Variants in WDR73 observed in about 807,000 individuals in gnomAD.
The protein encoded by WDR73 is WD repeat domain 73.
Under a neutral mutation model 38.2 loss-of-function variants are expected in WDR73, and 30 were observed. The observed-to-expected ratio is 0.79, with a 90% CI of 0.59 to 1.06. The LOEUF is 1.06. Among genes scored for constraint, WDR73 ranks in the 50% least tolerant of loss-of-function variants. The pLI, the probability that WDR73 is intolerant of heterozygous loss-of-function variation, is 0.00. For missense variants in WDR73, 487 were observed against 467.0 expected, an observed-to-expected ratio of 1.04 and a Z score of -0.40; for synonymous variants, 197 against 176.0, an observed-to-expected ratio of 1.12 and a Z score of -0.94.
chr15:84,639,599 AGT>A lies in WDR73; in HGVS notation c.*3869_*3870del, dbSNP rs1466149245. On this transcript the variant is annotated 3_prime_UTR_variant, in exon 8 of 8. Coordinates refer to ENST00000434634, the MANE Select transcript of WDR73 (RefSeq NM_032856.5). ...ATCTTCAAATTCTGGAGAAAAAGAG[AGT>A]GTGAAAGACTGCTCAGTGGCTGGGG... 2 of 152,106 alleles carry A rather than the reference AGT, an allele frequency of 1.3e-5. No individual in the cohort carries two copies. The highest frequency in any genetic ancestry group is 2.9e-5 in the Non-Finnish European group (2 of 68,034). 9.4% of individuals were successfully genotyped at this position (152,106 alleles called of 1,614,324 possible).
rs747969434 is a variant in WDR73 at position 84,643,286 on chromosome 15, C to T, written c.*184G>A. The T allele has an allele frequency of 6.1e-5, 41 of 668,198 alleles. No homozygotes were observed. The highest frequency in any genetic ancestry group is 8.3e-5 in the Non-Finnish European group (33 of 399,910). The allele number at this position is 668,198 out of a possible 1,614,324, so 41.4% of individuals were successfully genotyped here. On this transcript the variant is annotated 3_prime_UTR_variant, in exon 8 of 8. Coordinates refer to ENST00000434634, the MANE Select transcript of WDR73 (RefSeq NM_032856.5). ...TCTTCTAACCTTCGCAATATCACTACGAGGTAGTTCTTACTATCCTCATTT... is the reference window on the plus strand; with the variant it reads ...TCTTCTAACCTTCGCAATATCACTATGAGGTAGTTCTTACTATCCTCATTT...
chr15:84,645,404 C>T, intron 7 of WDR73, 67 bp downstream of exon 7: 1 of 1,593,472 alleles, frequency 6.3e-7, no homozygotes, highest in Non-Finnish European at 8.5e-7. Flanking sequence ...AGGCTCCTTC[C>T]TGAGCACCCA....
rs144467603 is a variant in WDR73 at position 84,643,831 on chromosome 15, G to C, written c.884-108C>G. ...GGGGTTTCACCATGTTGACCAGGAT[G>C]GTCTTGAACTCCTAGCCTCAAGCGA... On this transcript the variant is annotated intron_variant, in intron 7 of 7. Transcript: ENST00000434634. The C allele has an allele frequency of 7.5e-4, 985 of 1,311,718 alleles. 10 individuals are homozygous for C. The African/African-American group carries it at 0.013, about 17-fold the overall frequency. 81.3% of individuals were successfully genotyped at this position (1,311,718 alleles called of 1,614,324 possible). A position where few individuals can be genotyped will look rare whatever the true frequency, so the allele number is the denominator to read the frequency against.
chr15:84,653,744 A>G, intron 1 of WDR73, 45 bp from the exon 2 acceptor site: 3 of 1,472,852 alleles, frequency 2.0e-6, no homozygotes, highest in Non-Finnish European at 2.8e-6. Flanking sequence ...AGCACTTCAC[A>G]GCTCAAAGAA....
In WDR73 at chr15:84,643,346, C is replaced by G; in HGVS notation, c.*124G>C. ...GGAAACTGAGGCTAAGTGACGCTGG[C>G]AGACTTGCCCAAGGCCACACAGCTG... On this transcript the variant is annotated 3_prime_UTR_variant, in exon 8 of 8. Coordinates refer to ENST00000434634, the MANE Select transcript of WDR73 (RefSeq NM_032856.5). The G allele has an allele frequency of 8.2e-7, 1 of 1,220,314 alleles. No homozygotes were observed. Among genetic ancestry groups the G allele is most frequent in the Non-Finnish European group, 1.1e-6 (1 of 891,546 alleles). 75.6% of individuals were successfully genotyped at this position (1,220,314 alleles called of 1,614,324 possible).
intron 6 of WDR73, 71 bp from the exon 7 acceptor site, chr15:84,645,907 G>A: frequency 6.2e-7 from 1 of 1,602,438 alleles, no homozygotes. Context: ...AGGGCTGGCT[G>A]GTCACAGGTC....
Position 84,653,702 on chromosome 15 carries a change from G to A in WDR73, c.42-3C>T. On this transcript the variant is annotated splice_region_variant and splice_polypyrimidine_tract_variant and intron_variant, in intron 1 of 7. Transcript: ENST00000434634. Reference sequence around the variant, plus strand: ...CGAATGCATAGAAATCCTGGTACCTGCACAAAAGGGACACAGAATCACACG... The same window carrying A: ...CGAATGCATAGAAATCCTGGTACCTACACAAAAGGGACACAGAATCACACG... 5 of 1,584,570 alleles carry A rather than the reference G, an allele frequency of 3.2e-6. No homozygotes were observed. Among genetic ancestry groups the A allele is most frequent in the Admixed American group, 1.8e-5 (1 of 55,768 alleles).
rs766843921 is a variant in WDR73, at chr15:84,645,721, C to T, written c.633G>A (p.Pro211=). 34 of 1,610,204 alleles carry T rather than the reference C, an allele frequency of 2.1e-5. No individual in the cohort carries two copies. The highest frequency in any genetic ancestry group is 6.6e-5 in the South Asian group (6 of 90,476). The change falls in exon 7 of 8, where the codon CCG becomes CCA. Residue 211 remains proline (P), a synonymous_variant. Transcript: ENST00000434634. ...GLVDTRQKWA[P]LENRSPGPGS... ...CAGGGCCAGGGCTGCGATTCTCCAA[C>T]GGTGCCCACTTCTGCCGGGTGTCAA...
chr15:84,645,203 G>A, intron 7 of WDR73: 1 of 1,333,252 alleles, frequency 7.5e-7, no homozygotes, highest in Non-Finnish European at 9.7e-7. Flanking sequence ...GTCTGTCCCA[G>A]TGTCTTACTG....
At chr15:84,654,093 G>A in intron 1 of WDR73, 141 bp downstream of exon 1, 1 of 1,109,654 alleles carries the variant, frequency 9.0e-7, no homozygotes, top group Admixed American at 1.9e-5. Flanking sequence ...AGGCCCAGGC[G>A]GAGTCCTCCA....
At chr15:84,649,526 G>A (rs1222528375) in intron 3 of WDR73, among the ~76,000 whole-genome samples, 3 of 151,460 alleles carry the variant, frequency 2.0e-5, no homozygotes, top group Non-Finnish European at 2.9e-5. Context: ...CTGGAGGGCA[G>A]TGGCGTGATC....
chr15:84,647,612 T>C, intron 5 of WDR73: 1 of 390,638 alleles, frequency 2.6e-6, no homozygotes, highest in Non-Finnish European at 4.7e-6. Flanking sequence ...TTCTCCTGCC[T>C]CAGTCTCCCC....
chr15:84,647,989 G>C (rs1243739012), intron 4 of WDR73, 35 bp from the exon 5 acceptor site: 3 of 1,603,156 alleles, frequency 1.9e-6, no homozygotes, highest in Non-Finnish European at 2.6e-6. Context: ...CCAGACCATG[G>C]GGAGCTTATC....
At chr15:84,647,817 C>T in intron 5 of WDR73, 73 bp downstream of exon 5, 3 of 1,454,190 alleles carry the variant, frequency 2.1e-6, no homozygotes, top group Non-Finnish European at 2.9e-6. Flanking sequence ...TTAACTGGCT[C>T]AGATTAGGGG....
chr15:84,646,181 T>C lies in WDR73; in HGVS notation c.517+3A>G. On this transcript the variant is annotated splice_donor_region_variant and intron_variant, in intron 6 of 7. Coordinates refer to ENST00000434634, the MANE Select transcript of WDR73 (RefSeq NM_032856.5). ...GCAAGCAAGGGACAAAGTACCACGG[T>C]ACCTGAGGTGTACGTGGTCTTCCGG... is the stretch of plus-strand genomic sequence containing the variant. The C allele has an allele frequency of 1.9e-6, 3 of 1,613,538 alleles. No individual in the cohort carries two copies. Among genetic ancestry groups the C allele is most frequent in the Non-Finnish European group, 2.5e-6 (3 of 1,179,864 alleles).
intron 3 of WDR73, among the ~76,000 whole-genome samples, chr15:84,649,675 G>T (rs975675561): frequency 1.3e-5 from 2 of 152,022 alleles, no homozygotes; most frequent in Non-Finnish European, 2.9e-5. Flanking sequence ...TTGCCATGTT[G>T]CCCAGGCTGG....
intron 3 of WDR73, 96 bp downstream of exon 3, chr15:84,652,618 A>T: frequency 1.5e-6 from 1 of 681,350 alleles, no homozygotes. Flanking sequence ...CTCTCTTTCT[A>T]GTATCCAGGA....
In WDR73 at chr15:84,643,317, A is replaced by G; in HGVS notation, c.*153T>C. ...AGTTCTTACTATCCTCATTTTACAG[A>G]TAAGGAAACTGAGGCTAAGTGACGC... On this transcript the variant is annotated 3_prime_UTR_variant, in exon 8 of 8. Transcript: ENST00000434634. 2 of 878,280 alleles carry G rather than the reference A, an allele frequency of 2.3e-6. No individual in the cohort carries two copies. The highest frequency in any genetic ancestry group is 1.7e-5 in the African/African-American group (1 of 58,934). 54.4% of individuals were successfully genotyped at this position (878,280 alleles called of 1,614,324 possible).
chr15:84,648,385 CTGTG>C, intron 4 of WDR73, 148 bp downstream of exon 4: 1 of 631,904 alleles, frequency 1.6e-6, no homozygotes, highest in South Asian at 1.9e-5. Context: ...TATTCTAAAT[CTGTG>C]TGTATCTGTG....
Sources: gnomAD v4.1 joint callset for allele counts (sites outside exome capture counted in the v4.1 genomes callset) on GRCh38, gnomAD v4.1.1 for gene constraint, MANE v1.5 for transcripts, NCBI Gene and HGNC (gene_info 2026-07-23, HGNC 2026-07-21) for gene names.